The following SP4 variants were observed in gnomAD, a reference collection of about 807,000 sequenced individuals.
SP4 encodes Sp4 transcription factor, also known as transcription factor Sp4.
Under a neutral mutation model 72.8 loss-of-function variants are expected in SP4, and 19 were observed. The ratio of observed to expected loss-of-function variants is 0.26; its 90% confidence interval spans 0.18 to 0.38. SP4 has a LOEUF of 0.38. SP4 is among the 10% of genes least tolerant of loss of function. The pLI is 1.00. For synonymous variants in SP4, 395 were observed against 333.1 expected (o/e 1.19, Z -2.02); for missense variants, 1,008 against 926.3 (o/e 1.09, Z -1.14).
Position 21,430,346 on chromosome 7 carries a change from A to G in SP4, c.1181A>G (p.Gln394Arg). Reference sequence around the variant, plus strand: ...GCACAGGATCAATCAAATTCTCTTCAGCAGGTGCAAATTGTAGGCCAACCT... The same window carrying G: ...GCACAGGATCAATCAAATTCTCTTCGGCAGGTGCAAATTGTAGGCCAACCT... The part of the protein sequence containing the change: ...QNAQDQSNSL[Q>R]QVQIVGQPIL... Residue 394 changes from glutamine to arginine, a missense_variant, in exon 3 of 6, where the codon CAG becomes CGG. Gln to Arg is a conservative substitution (Grantham distance 43). This residue lies in a region of SP4 where 893 missense variants were observed against 743.3 expected (regional missense o/e 1.20). Transcript: ENST00000222584. 6.2e-7 allele frequency: 1 copy of G among 1,614,236 alleles called. No homozygotes were observed. The highest frequency in any genetic ancestry group is 8.5e-7 in the Non-Finnish European group (1 of 1,180,038).
At chr7:21,485,033 A>G (rs1351572516) in intron 5 of SP4, among the ~76,000 whole-genome samples, 1 of 151,884 alleles carries the variant, frequency 6.6e-6, no homozygotes, top group Non-Finnish European at 1.5e-5. Flanking sequence ...AAATTGTTTA[A>G]TTAAAACAGG....
In SP4 at chr7:21,429,375, A is replaced by T. The variant is rs1194323559; in HGVS notation, c.210A>T (p.Gln70His). Residue 70 changes from glutamine (Q) to histidine (H), a missense_variant, in exon 3 of 6, where the codon CAA becomes CAT. Coordinates refer to ENST00000222584, the MANE Select transcript of SP4 (RefSeq NM_003112.5). ...TPGENQATGQ[Q>H]QIIIDPSQGL... ...GTGAAAATCAAGCAACTGGACAACA[A>T]CAAATTATTATAGATCCAAGTCAAG... 3.1e-6 allele frequency: 5 copies of T among 1,613,888 alleles called. No homozygotes were observed. In the Admixed American group the frequency reaches 8.3e-5, roughly 27 times the overall value.
chr7:21,498,396 C>T (rs1781778555), intron 5 of SP4, among the ~76,000 whole-genome samples: 1 of 152,024 alleles, frequency 6.6e-6, no homozygotes, highest in Admixed American at 6.6e-5. Flanking sequence ...ATACCAAGGG[C>T]AACTATCTAC....
intron 5 of SP4, among the ~76,000 whole-genome samples, chr7:21,495,535 C>T (rs1235023201): frequency 6.6e-6 from 1 of 151,850 alleles, no homozygotes; most frequent in African/African-American, 2.4e-5. Flanking sequence ...AACCATAATG[C>T]AATACTACTG....
chr7:21,507,744 G>T (rs1348453958), intron 5 of SP4, among the ~76,000 whole-genome samples: 1 of 152,038 alleles, frequency 6.6e-6, no homozygotes, highest in Non-Finnish European at 1.5e-5. Context: ...TGTCCCCTAG[G>T]CCTAGAATTT....
At position 21,512,525 on chromosome 7, in the gene SP4, A is replaced by G. The variant is rs551771029; in HGVS notation, c.*1256A>G. On this transcript the variant is annotated 3_prime_UTR_variant, in exon 6 of 6. Coordinates refer to ENST00000222584, the MANE Select transcript of SP4 (RefSeq NM_003112.5). ...AAGTAAGTGACTAAAGAAAAAAACT[A>G]TATTATTGTTTATGCAAGGGTCTTA... 3 of 150,736 alleles carry G rather than the reference A, an allele frequency of 2.0e-5. No homozygotes were observed. Among genetic ancestry groups the G allele is most frequent in the Non-Finnish European group, 4.4e-5 (3 of 67,724 alleles). The allele number at this position is 150,736 out of a possible 1,614,324, so 9.3% of individuals were successfully genotyped here.
At chr7:21,479,091 A>G (rs1289673637) in intron 4 of SP4, among the ~76,000 whole-genome samples, 1 of 151,818 alleles carries the variant, frequency 6.6e-6, no homozygotes, top group East Asian at 1.9e-4. Flanking sequence ...GAAAGAAAAA[A>G]GAAAAATATT....
At chr7:21,470,939 T>G (rs1393884967) in intron 3 of SP4, 3 of 419,044 alleles carry the variant, frequency 7.2e-6, no homozygotes, top group African/African-American at 6.2e-5. Context: ...AAAATTATTT[T>G]ACAAAGCAGT....
At chr7:21,479,716 G>T (rs1337920489) in intron 4 of SP4, among the ~76,000 whole-genome samples, 2 of 152,152 alleles carry the variant, frequency 1.3e-5, no homozygotes, top group African/African-American at 4.8e-5. Context: ...GATCACTTTG[G>T]GGACGGTTGC....
At chr7:21,488,620 TG>T (rs750974109) in intron 5 of SP4, among the ~76,000 whole-genome samples, 14 of 152,030 alleles carry the variant, frequency 9.2e-5, no homozygotes, top group Non-Finnish European at 1.9e-4. Context: ...TTTAGCCAGG[TG>T]CAGTAGTGCA....
chr7:21,503,034 C>T (rs1035513338), intron 5 of SP4, among the ~76,000 whole-genome samples: 1 of 152,070 alleles, frequency 6.6e-6, no homozygotes, highest in Non-Finnish European at 1.5e-5. Context: ...GAGTCCACCT[C>T]ATGCAGCTGT....
chr7:21,475,211 T>A (rs943862759), intron 3 of SP4, among the ~76,000 whole-genome samples: 2 of 150,470 alleles, frequency 1.3e-5, no homozygotes, highest in Non-Finnish European at 3.0e-5. Flanking sequence ...GCCTCCCGGG[T>A]TCAAGCGATT....
intron 5 of SP4, among the ~76,000 whole-genome samples, chr7:21,509,161 T>C (rs1782082590): frequency 6.6e-6 from 1 of 152,184 alleles, no homozygotes; most frequent in Non-Finnish European, 1.5e-5. Context: ...TCTTATCTTG[T>C]TCCTGATGTA....
intron 3 of SP4, among the ~76,000 whole-genome samples, chr7:21,436,871 C>A (rs532440122): frequency 6.6e-6 from 1 of 152,132 alleles, no homozygotes; most frequent in East Asian, 1.9e-4. Flanking sequence ...CTTTCCTTAG[C>A]CCTATTTTAG....
chr7:21,495,298 AACAGAT>A (rs1187471797), intron 5 of SP4, among the ~76,000 whole-genome samples: 3 of 152,186 alleles, frequency 2.0e-5, no homozygotes, highest in Non-Finnish European at 4.4e-5. Flanking sequence ...GAAAACTCTT[AACAGAT>A]ACAGATACAG....
chr7:21,493,838 C>T (rs1220817747), intron 5 of SP4, among the ~76,000 whole-genome samples: 1 of 152,062 alleles, frequency 6.6e-6, no homozygotes, highest in African/African-American at 2.4e-5. Flanking sequence ...CTATGAGGCT[C>T]ACATTATCAT....
chr7:21,450,051 A>C (rs1333024313), intron 3 of SP4, among the ~76,000 whole-genome samples: 1 of 152,026 alleles, frequency 6.6e-6, no homozygotes, highest in Admixed American at 6.5e-5. Flanking sequence ...TAGATCCCAG[A>C]GACTTATTTT....
At chr7:21,499,343 G>C (rs77947042) in intron 5 of SP4, among the ~76,000 whole-genome samples, 1 of 152,136 alleles carries the variant, frequency 6.6e-6, no homozygotes, top group East Asian at 1.9e-4. Flanking sequence ...GACCTTATTT[G>C]GAAATAGGGT....
chr7:21,445,961 C>T (rs944366581), intron 3 of SP4, among the ~76,000 whole-genome samples: 3 of 141,640 alleles, frequency 2.1e-5, no homozygotes, highest in Non-Finnish European at 3.0e-5. Context: ...AACATATGAT[C>T]GAGTTCATTT....
Sources: allele counts gnomAD v4.1 joint callset (sites outside exome capture counted in the v4.1 genomes callset), GRCh38; gene constraint gnomAD v4.1.1; regional missense constraint gnomAD v4.1.1; transcripts MANE v1.5; gene names NCBI Gene and HGNC (gene_info 2026-07-23, HGNC 2026-07-21).